The following UNC5D variants were observed in gnomAD, a reference collection of about 807,000 sequenced individuals.
The protein encoded by UNC5D is unc-5 netrin receptor D.
A neutral mutation model predicts 105.4 loss-of-function variants in UNC5D; 39 were observed. The observed-to-expected ratio is 0.37, with a 90% CI of 0.29 to 0.48. UNC5D has a LOEUF of 0.48. UNC5D is among the 20% of genes least tolerant of loss of function. UNC5D has a pLI of 0.98. For synonymous variants in UNC5D, 452 were observed against 450.4 expected (o/e 1.00, Z -0.04); for missense variants, 991 against 1,202.4 (o/e 0.82, Z 2.60).
At chr8:35,272,430 G>T (rs887632269) in intron 1 of UNC5D, among the ~76,000 whole-genome samples, 2 of 152,154 alleles carry the variant, frequency 1.3e-5, no homozygotes, top group Non-Finnish European at 2.9e-5. Context: ...AGAACTTCAA[G>T]GTCAATATCC....
chr8:35,731,105 C>A lies in UNC5D; in HGVS notation c.1766+9C>A. On this transcript the variant is annotated intron_variant, in intron 11 of 16. Coordinates refer to ENST00000404895, the MANE Select transcript of UNC5D (RefSeq NM_080872.4). ...AACCAAGGTGAACCCAGGTGAGAGA[C>A]AGAGAATAGCATATTAAAGAAAGTG... The A allele has an allele frequency of 6.2e-7, 1 of 1,612,774 alleles. No homozygotes were observed. The highest frequency in any genetic ancestry group is 8.5e-7 in the Non-Finnish European group (1 of 1,179,026).
At chr8:35,660,384 T>C (rs1377873382) in intron 4 of UNC5D, among the ~76,000 whole-genome samples, 1 of 152,220 alleles carries the variant, frequency 6.6e-6, no homozygotes, top group African/African-American at 2.4e-5. Context: ...TTAATATTCA[T>C]GCATTTGAGG....
chr8:35,307,252 G>C (rs1480477244), intron 1 of UNC5D, among the ~76,000 whole-genome samples: 1 of 152,194 alleles, frequency 6.6e-6, no homozygotes, highest in Non-Finnish European at 1.5e-5. Flanking sequence ...TATCCCATAA[G>C]ATAACTTAGA....
chr8:35,509,451 C>A (rs541278379), intron 1 of UNC5D, among the ~76,000 whole-genome samples: 3 of 143,022 alleles, frequency 2.1e-5, no homozygotes, highest in Admixed American at 2.1e-4. Flanking sequence ...AAATATAGAT[C>A]CCTGTACAAA....
chr8:35,577,932 T>C (rs896439033), intron 3 of UNC5D, among the ~76,000 whole-genome samples: 1 of 151,956 alleles, frequency 6.6e-6, no homozygotes, highest in African/African-American at 2.4e-5. Context: ...ATGATATCCT[T>C]AGAAAAATGT....
chr8:35,556,230 T>C (rs1178724850), intron 2 of UNC5D, among the ~76,000 whole-genome samples: 1 of 152,142 alleles, frequency 6.6e-6, no homozygotes, highest in Admixed American at 6.5e-5. Flanking sequence ...ATGAGACAAG[T>C]GTATGGTGAA....
At chr8:35,644,193 A>G (rs1167573908) in intron 4 of UNC5D, among the ~76,000 whole-genome samples, 1 of 152,100 alleles carries the variant, frequency 6.6e-6, no homozygotes, top group Non-Finnish European at 1.5e-5. Flanking sequence ...GCTTATATAG[A>G]GTTAGGGTTT....
chr8:35,718,993 G>A (rs1828416247), intron 8 of UNC5D, among the ~76,000 whole-genome samples: 1 of 152,142 alleles, frequency 6.6e-6, no homozygotes, highest in Non-Finnish European at 1.5e-5. Flanking sequence ...CAGTCCCCCG[G>A]AAGTGACTGC....
intron 1 of UNC5D, among the ~76,000 whole-genome samples, chr8:35,316,910 A>G (rs748852843): frequency 3.3e-5 from 5 of 152,290 alleles, no homozygotes; most frequent in Middle Eastern, 6.8e-3. Context: ...GAAAGCAACC[A>G]TGACAGTAGC....
intron 1 of UNC5D, among the ~76,000 whole-genome samples, chr8:35,519,355 G>C (rs1813308318): frequency 6.6e-6 from 1 of 151,936 alleles, no homozygotes; most frequent in African/African-American, 2.4e-5. Context: ...CTTTATTCAG[G>C]AAATATATAT....
chr8:35,634,107 G>C (rs574799564), intron 4 of UNC5D, among the ~76,000 whole-genome samples: 47 of 152,266 alleles, frequency 3.1e-4, no homozygotes, highest in African/African-American at 1.1e-3. Context: ...TCACATCGTA[G>C]TCCAGTTAAT....
chr8:35,546,636 A>G (rs191525487), intron 1 of UNC5D, among the ~76,000 whole-genome samples: 27 of 152,346 alleles, frequency 1.8e-4, no homozygotes, highest in Admixed American at 5.9e-4. Context: ...TGATGCTCAT[A>G]TAAAATCTTT....
chr8:35,574,170 CCTT>C (rs765452361), intron 3 of UNC5D, among the ~76,000 whole-genome samples: 28 of 152,264 alleles, frequency 1.8e-4, no homozygotes, highest in Non-Finnish European at 3.8e-4. Context: ...CTGTTTTTCT[CCTT>C]CTTCTTCATC....
chr8:35,545,759 C>G (rs1815620534), intron 1 of UNC5D, among the ~76,000 whole-genome samples: 1 of 152,062 alleles, frequency 6.6e-6, no homozygotes, highest in African/African-American at 2.4e-5. Context: ...CTTCCCACTG[C>G]CACTCTAGTA....
chr8:35,649,934 T>A (rs924325972), intron 4 of UNC5D, among the ~76,000 whole-genome samples: 2 of 152,134 alleles, frequency 1.3e-5, no homozygotes, highest in Non-Finnish European at 2.9e-5. Context: ...AAAAAAGACA[T>A]TGGTGTTACA....
intron 11 of UNC5D, among the ~76,000 whole-genome samples, chr8:35,745,738 G>GT (rs1259431767): frequency 2.6e-5 from 4 of 152,182 alleles, no homozygotes; most frequent in Non-Finnish European, 5.9e-5. Context: ...AGTAGCAAAA[G>GT]TTCTATGCAA....
At chr8:35,315,712 A>T (rs1182563062) in intron 1 of UNC5D, among the ~76,000 whole-genome samples, 1 of 152,176 alleles carries the variant, frequency 6.6e-6, no homozygotes, top group Non-Finnish European at 1.5e-5. Context: ...TCAATGAGGC[A>T]CATGTTATTG....
At chr8:35,414,541 A>G (rs1554525545) in intron 1 of UNC5D, among the ~76,000 whole-genome samples, 1 of 152,104 alleles carries the variant, frequency 6.6e-6, no homozygotes, top group Non-Finnish European at 1.5e-5. Flanking sequence ...CAAAACTAGG[A>G]TCTATATAAT....
rs1231603925 is a variant in UNC5D at position 35,549,404 on chromosome 8, A to T, written c.216A>T (p.Ala72=). The part of the protein sequence containing the change: ...DAYIIKSNPI[A]LRCKARPAMQ... ...ATATTATCAAGAGCAACCCTATTGC[A>T]CTCAGGTGCAAAGCGAGGCCAGCCA... Residue 72 remains alanine, a synonymous_variant, in exon 2 of 17, where the codon GCA becomes GCT. Transcript: ENST00000404895. The T allele has an allele frequency of 1.2e-6, 2 of 1,613,344 alleles. No individual in the cohort carries two copies. Among genetic ancestry groups the T allele is most frequent in the Admixed American group, 3.3e-5 (2 of 60,004 alleles).
Sources: allele counts gnomAD v4.1 joint callset (sites outside exome capture counted in the v4.1 genomes callset), GRCh38; gene constraint gnomAD v4.1.1; transcripts MANE v1.5; gene names NCBI Gene and HGNC (gene_info 2026-07-23, HGNC 2026-07-21).